CSMD2: variants seen among roughly 807,000 people sequenced by gnomAD.
CSMD2 encodes the protein CUB and sushi domain-containing protein 2.
CSMD2 carries 130 observed loss-of-function variants against 398.5 expected under a neutral mutation model. The observed-to-expected ratio is 0.33, with a 90% CI of 0.28 to 0.38. The LOEUF is 0.38. Among genes scored for constraint, CSMD2 ranks in the 10% least tolerant of loss-of-function variants. CSMD2 has a pLI of 1.00. For missense variants in CSMD2, 3,829 were observed against 4,764.9 expected (o/e 0.80, Z 5.78); for synonymous variants, 1,828 against 1,908.5 (o/e 0.96, Z 1.10).
At chr1:34,129,755 G>A (rs751299745) in intron 1 of CSMD2, among the ~76,000 whole-genome samples, 1 of 152,186 alleles carries the variant, frequency 6.6e-6, no homozygotes, top group African/African-American at 2.4e-5. Context: ...CAGGGCCTCC[G>A]CCGCTCTGAC....
intron 36 of CSMD2, 38 bp from the exon 37 acceptor site, chr1:33,622,309 G>T (rs923468558): frequency 5.5e-6 from 8 of 1,463,022 alleles, no homozygotes; most frequent in Non-Finnish European, 6.7e-6. Context: ...TTTAAGTTTG[G>T]CTCCTCCAGG....
Position 33,795,802 on chromosome 1 carries a change from G to A in CSMD2, c.1447-3276C>T, listed in dbSNP as rs115162869. Reference sequence around the variant, plus strand: ...CACTGCCTCTGTACCAGTTCCTGTCGGTGGGCCAGGCCCATGCCAGGGGCT... The same window carrying A: ...CACTGCCTCTGTACCAGTTCCTGTCAGTGGGCCAGGCCCATGCCAGGGGCT... On this transcript the variant is annotated intron_variant, in intron 10 of 70. Coordinates refer to ENST00000373381, the MANE Select transcript of CSMD2 (RefSeq NM_001281956.2). Among the ~76,000 whole-genome samples the A allele has an allele frequency of 3.0e-3, 463 of 152,336 alleles. 3 individuals carry two copies. The highest frequency in any genetic ancestry group is 0.011 in the African/African-American group (443 of 41,584).
At chr1:34,139,678 T>A (rs9286953) in intron 1 of CSMD2, among the ~76,000 whole-genome samples, 109,066 of 152,136 alleles carry the variant, frequency 0.72, 41,904 homozygotes, top group Non-Finnish European at 0.85. Context: ...TCCTTAAAAT[T>A]GTACCACATT....
intron 49 of CSMD2, among the ~76,000 whole-genome samples, chr1:33,576,528 T>TC (rs1414653782): frequency 3.9e-5 from 6 of 152,008 alleles, no homozygotes; most frequent in Non-Finnish European, 7.4e-5. Context: ...GAGGCAGAGG[T>TC]TGCAGTGAGC....
At chr1:33,711,581 C>T (rs905019187) in intron 21 of CSMD2, among the ~76,000 whole-genome samples, 3 of 152,190 alleles carry the variant, frequency 2.0e-5, no homozygotes, top group African/African-American at 7.2e-5. Flanking sequence ...TGCCTGGATT[C>T]TGGGACTGGC....
chr1:33,635,321 C>T lies in CSMD2; in HGVS notation c.4979G>A (p.Gly1660Glu). Residue 1660 changes from glycine to glutamate, a missense_variant, in exon 31 of 71, where the codon GGG becomes GAG. Physicochemically the swap from Gly to Glu is moderately conservative, Grantham distance 98. Around this residue, in one of 5 missense-constraint regions of CSMD2, gnomAD observed 2,001 missense variants for 2,567.1 expected, o/e 0.78. Transcript: ENST00000373381. The surrounding 1 kb of genome is among the most constrained non-coding windows in gnomAD (Gnocchi z 5.0). ...NPRPVCTAPCGGQYVGSDGVV... is the reference protein window; with the variant it reads ...NPRPVCTAPCEGQYVGSDGVV... The stretch of plus-strand genomic sequence containing the variant: ...TCCGTCCGAACCCACATACTGTCCC[C>T]CACAGGGGGCTGAAAGAGAAACCAG... 1 of 1,604,608 alleles carries T rather than the reference C, an allele frequency of 6.2e-7. No individual in the cohort carries two copies. Among genetic ancestry groups the T allele is most frequent in the South Asian group, 1.1e-5 (1 of 90,702 alleles).
rs773582137 is a variant in CSMD2 at position 33,743,439 on chromosome 1, G to A, written c.2014C>T (p.Leu672=). 1 of 1,614,200 alleles carries A rather than the reference G, an allele frequency of 6.2e-7. No homozygotes were observed. The highest frequency in any genetic ancestry group is 8.5e-7 in the Non-Finnish European group (1 of 1,180,044). The change falls in exon 14 of 71, where the codon CTG becomes TTG. Residue 672 remains leucine, a synonymous_variant. Transcript: ENST00000373381. ...DIDVEPQFDF[L]VIKDGATAEA... ...GCGGTGGCCCCATCCTTGATGACCAGGAAATCAAACTGAGGCTCCACGTCA... is the reference window on the plus strand; with the variant it reads ...GCGGTGGCCCCATCCTTGATGACCAAGAAATCAAACTGAGGCTCCACGTCA...
rs1287696091 is a variant in CSMD2, at chr1:33,989,517, T to C, written c.517+43077A>G. Among the ~76,000 whole-genome samples the C allele has an allele frequency of 6.6e-5, 10 of 152,322 alleles. No individual in the cohort carries two copies. In the East Asian group the frequency reaches 1.9e-3, roughly 29 times the overall value. ...AAACATATAATCACACAAAGACTTA[T>C]ATTTCAATGTTCATTCACAGCAGGT... On this transcript the variant is annotated intron_variant, in intron 3 of 70. Transcript: ENST00000373381.
chr1:34,031,310 G>A (rs185032121), intron 3 of CSMD2, among the ~76,000 whole-genome samples: 8 of 152,138 alleles, frequency 5.3e-5, no homozygotes, highest in Admixed American at 2.6e-4. Context: ...TGATTCACTC[G>A]CCTCGTCCTC....
At chr1:33,857,107 C>G (rs1347018868) in intron 5 of CSMD2, among the ~76,000 whole-genome samples, 1 of 152,114 alleles carries the variant, frequency 6.6e-6, no homozygotes, top group Non-Finnish European at 1.5e-5. Flanking sequence ...CAGCTCTAAA[C>G]TTACTGTCTC....
At chr1:33,908,085 C>CAAAAAAAAA (rs35932181) in intron 5 of CSMD2, among the ~76,000 whole-genome samples, 2 of 77,166 alleles carry the variant, frequency 2.6e-5, no homozygotes, top group African/African-American at 1.2e-4. Flanking sequence ...GACTCCATCT[C>CAAAAAAAAA]AAAAAAAAAA....
At chr1:33,909,600 G>C (rs1041405922) in intron 5 of CSMD2, among the ~76,000 whole-genome samples, 3 of 152,120 alleles carry the variant, frequency 2.0e-5, no homozygotes, top group Non-Finnish European at 4.4e-5. Context: ...TTGTTTGAAT[G>C]ATTGAATGAT....
chr1:34,080,865 T>C (rs9425902), intron 2 of CSMD2, among the ~76,000 whole-genome samples: 5,006 of 148,586 alleles, frequency 0.034, 273 homozygotes, highest in African/African-American at 0.12. Context: ...CACCCTAGCA[T>C]TGGAACTTTA....
chr1:34,002,956 G>A (rs1330669333), intron 3 of CSMD2, among the ~76,000 whole-genome samples: 3 of 152,212 alleles, frequency 2.0e-5, no homozygotes, highest in South Asian at 2.1e-4. Context: ...AGAGGAAGCC[G>A]AAAGCAGGTG....
chr1:33,533,572 T>C lies in CSMD2; in HGVS notation c.9991+224A>G, dbSNP rs1458437498. Among the ~76,000 whole-genome samples, 1 of 129,294 alleles carries C rather than the reference T, an allele frequency of 7.7e-6. No homozygotes were observed. The highest frequency in any genetic ancestry group is 3.0e-5 in the African/African-American group (1 of 33,288). The allele number at this position is 129,294 out of a possible 152,430, so 84.8% of individuals were successfully genotyped here. The stretch of plus-strand genomic sequence containing the variant: ...GTTAGTTTTTGCTGCTGCCACTGGA[T>C]AGTTTTTTCTTTGCTAAGGCATAGG... On this transcript the variant is annotated intron_variant, in intron 63 of 70. Coordinates refer to ENST00000373381, the MANE Select transcript of CSMD2 (RefSeq NM_001281956.2). This position sits in a 1 kb window ranked among gnomAD's most constrained non-coding sequence, Gnocchi z 4.2.
intron 2 of CSMD2, among the ~76,000 whole-genome samples, chr1:34,080,483 T>G (rs1447428187): frequency 6.6e-6 from 1 of 152,066 alleles, no homozygotes; most frequent in Non-Finnish European, 1.5e-5. Flanking sequence ...GGGAAACAAG[T>G]CAACAAATTC....
intron 27 of CSMD2, among the ~76,000 whole-genome samples, chr1:33,653,978 G>A (rs1643879069): frequency 6.6e-6 from 1 of 152,152 alleles, no homozygotes; most frequent in East Asian, 1.9e-4. Context: ...CTGTGTCATG[G>A]AGCCACCTCT....
At chr1:34,097,267 T>C (rs1659428520) in intron 1 of CSMD2, among the ~76,000 whole-genome samples, 1 of 150,790 alleles carries the variant, frequency 6.6e-6, no homozygotes, top group South Asian at 2.1e-4. Context: ...CAATTCAAGA[T>C]GGATTAAAGA....
intron 3 of CSMD2, among the ~76,000 whole-genome samples, chr1:34,017,096 G>C (rs1483474568): frequency 1.3e-5 from 2 of 152,170 alleles, no homozygotes; most frequent in Non-Finnish European, 2.9e-5. Flanking sequence ...AGTTTGGAAA[G>C]TATGTTAACA....
Sources: allele counts gnomAD v4.1 joint callset (sites outside exome capture counted in the v4.1 genomes callset), GRCh38; gene constraint gnomAD v4.1.1; regional missense constraint gnomAD v4.1.1; non-coding constraint Gnocchi (gnomAD v3.1); transcripts MANE v1.5; gene names NCBI Gene and HGNC (gene_info 2026-07-23, HGNC 2026-07-21).